DNAH12: variants seen among roughly 807,000 people sequenced by gnomAD.
DNAH12 encodes the protein dynein axonemal heavy chain 12, also known as axonemal beta dynein heavy chain 12.
A neutral mutation model predicts 371.5 loss-of-function variants in DNAH12; 285 were observed. The observed-to-expected ratio is 0.77, with a 90% confidence interval of 0.70 to 0.85. The LOEUF is 0.85. DNAH12 is among the 40% of genes least tolerant of loss of function. The pLI is 0.00. For missense variants in DNAH12, 3,611 were observed against 3,689.4 expected (o/e 0.98, Z 0.55); for synonymous variants, 1,200 against 1,213.0 (o/e 0.99, Z 0.22).
At chr3:57,547,102 T>G (rs1296463499), upstream of DNAH12, among the ~76,000 whole-genome samples, 5 of 152,156 alleles carry the variant, frequency 3.3e-5, no homozygotes, top group Non-Finnish European at 7.3e-5. Flanking sequence ...TCCTGACAGA[T>G]AGTCTGCCCT....
chr3:57,415,981 T>C (rs562979294), intron 37 of DNAH12, among the ~76,000 whole-genome samples: 1 of 151,792 alleles, frequency 6.6e-6, no homozygotes, highest in East Asian at 1.9e-4. Context: ...TAGAGACGGG[T>C]TTCACCGTGT....
Position 57,470,443 on chromosome 3 carries a change from C to T in DNAH12, c.2105G>A (p.Arg702Gln), listed in dbSNP as rs2066333485. The T allele has an allele frequency of 1.3e-5, 19 of 1,506,734 alleles. No homozygotes were observed. Among genetic ancestry groups the T allele is most frequent in the Admixed American group, 2.5e-5 (1 of 40,662 alleles). The allele number at this position is 1,506,734 out of a possible 1,614,324, so 93.3% of individuals were successfully genotyped here. A position where few individuals can be genotyped will look rare whatever the true frequency, so the allele number is the denominator to read the frequency against. The change falls in exon 16 of 74, where the codon CGG becomes CAG. Residue 702 changes from arginine (R) to glutamine (Q), a missense_variant and splice_region_variant. By Grantham distance (43) the Arg-to-Gln change is conservative (BLOSUM62 1). Coordinates refer to ENST00000495027, the MANE Select transcript of DNAH12 (RefSeq NM_001366028.2). ...FVLKWQRSEK[R>Q]WMDGGFLDLN... The stretch of plus-strand genomic sequence containing the variant: ...TTTTTATTACATTACCAGCAATTAC[C>T]GTTTTTCTGATCGCTGCCACTTCAA...
intron 5 of DNAH12, among the ~76,000 whole-genome samples, 161 bp downstream of exon 5, chr3:57,510,629 A>G (rs1351670321): frequency 6.6e-6 from 1 of 152,160 alleles, no homozygotes; most frequent in Non-Finnish European, 1.5e-5. Flanking sequence ...GACAGAGATC[A>G]TGTCTCGAAG....
At chr3:57,337,414 C>T (rs1033421103) in intron 60 of DNAH12, among the ~76,000 whole-genome samples, 5 of 152,208 alleles carry the variant, frequency 3.3e-5, no homozygotes, top group African/African-American at 1.2e-4. Flanking sequence ...AATCCCAGCA[C>T]TTTGGGAGGC....
chr3:57,453,583 ATCT>A (rs1458962956), intron 23 of DNAH12, among the ~76,000 whole-genome samples, 180 bp from the exon 24 acceptor site: 1 of 151,302 alleles, frequency 6.6e-6, no homozygotes, highest in African/African-American at 2.4e-5. Context: ...AGATGGGAGG[ATCT>A]TCTTTTTTTT....
Position 57,520,338 on chromosome 3 carries a change from G to A in DNAH12, c.279+3245C>T, listed in dbSNP as rs182790227. The stretch of plus-strand genomic sequence containing the variant: ...TGGCCAGGCTAGTCTCGAACCGCCC[G>A]CCTCGGCCTCCCAAAGTGCTTGGAT... On this transcript the variant is annotated intron_variant, in intron 4 of 73. Coordinates refer to ENST00000495027, the MANE Select transcript of DNAH12 (RefSeq NM_001366028.2). 4.8e-3 allele frequency among the ~76,000 whole-genome samples: 723 copies of A among 151,784 alleles called. 20 individuals carry two copies. The highest frequency in any genetic ancestry group is 0.042 in the Admixed American group (647 of 15,232).
intron 12 of DNAH12, among the ~76,000 whole-genome samples, chr3:57,485,483 AC>A (rs2066893926): frequency 6.6e-6 from 1 of 151,630 alleles, no homozygotes; most frequent in South Asian, 2.1e-4. Context: ...ATACACCACA[AC>A]CTTCACCTCC....
intron 59 of DNAH12, 55 bp downstream of exon 59, chr3:57,357,121 A>G (rs1307970143): frequency 2.6e-5 from 4 of 152,160 alleles, no homozygotes; most frequent in Admixed American, 6.5e-5. Context: ...TTTTAAATGG[A>G]AAGGGCTGTG....
intron 4 of DNAH12, among the ~76,000 whole-genome samples, chr3:57,513,118 C>T (rs2068057100): frequency 1.4e-5 from 2 of 147,474 alleles, no homozygotes; most frequent in Admixed American, 1.4e-4. Flanking sequence ...AGCCTGGCAA[C>T]AGAGTGAGAC....
chr3:57,504,509 C>T (rs1249948379), intron 8 of DNAH12, among the ~76,000 whole-genome samples: 1 of 152,172 alleles, frequency 6.6e-6, no homozygotes, highest in African/African-American at 2.4e-5. Context: ...CTCCTGGGCT[C>T]AGGCAATCCT....
chr3:57,520,084 C>A (rs974779925), intron 4 of DNAH12: 3 of 575,932 alleles, frequency 5.2e-6, no homozygotes, highest in African/African-American at 1.9e-5. Flanking sequence ...GTGGCTACAG[C>A]GTTACCTTAT....
At chr3:57,436,362 T>A (rs1198739611) in intron 30 of DNAH12, among the ~76,000 whole-genome samples, 1 of 152,182 alleles carries the variant, frequency 6.6e-6, no homozygotes, top group African/African-American at 2.4e-5. Context: ...GTTTAAACTC[T>A]ATTAGTTTCA....
chr3:57,300,080 C>G (rs2061314937), intron 70 of DNAH12, among the ~76,000 whole-genome samples: 1 of 152,180 alleles, frequency 6.6e-6, no homozygotes, highest in Non-Finnish European at 1.5e-5. Flanking sequence ...TCTAGTACCA[C>G]CCTACAAAAC....
At chr3:57,538,316 T>TGAG (rs2069137031) in intron 2 of DNAH12, among the ~76,000 whole-genome samples, 1 of 65,000 alleles carries the variant, frequency 1.5e-5, no homozygotes, top group Non-Finnish European at 4.0e-5. Context: ...CTAATCTCAG[T>TGAG]ATTAATACAG....
At chr3:57,498,359 C>G (rs1449260842) in intron 11 of DNAH12, 1 of 608,712 alleles carries the variant, frequency 1.6e-6, no homozygotes, top group African/African-American at 1.9e-5. Context: ...CTCTGTCACT[C>G]AAGTTGGAGT....
At chr3:57,363,305 T>G (rs1008048751) in intron 58 of DNAH12, among the ~76,000 whole-genome samples, 1 of 152,174 alleles carries the variant, frequency 6.6e-6, no homozygotes, top group Non-Finnish European at 1.5e-5. Context: ...TATCTGATAC[T>G]TGTAATAATA....
At chr3:57,500,127 G>A (rs1469554784) in intron 11 of DNAH12, among the ~76,000 whole-genome samples, 1 of 144,630 alleles carries the variant, frequency 6.9e-6, no homozygotes, top group African/African-American at 2.6e-5. Context: ...TGCAACCTTC[G>A]CCTCCCAGGT....
chr3:57,301,668 CATGT>C (rs1001470958), intron 70 of DNAH12, 63 bp downstream of exon 70: 16 of 1,475,380 alleles, frequency 1.1e-5, no homozygotes, highest in Non-Finnish European at 1.4e-5. Flanking sequence ...CATATTTATA[CATGT>C]ATTTTACACA....
intron 10 of DNAH12, among the ~76,000 whole-genome samples, chr3:57,501,844 T>G (rs1297945909): frequency 2.6e-5 from 4 of 152,190 alleles, no homozygotes; most frequent in Non-Finnish European, 5.9e-5. Context: ...TGCCTTTGAC[T>G]TTATCACCCT....
Sources: allele counts gnomAD v4.1 joint callset (sites outside exome capture counted in the v4.1 genomes callset), GRCh38; gene constraint gnomAD v4.1.1; transcripts MANE v1.5; gene names NCBI Gene and HGNC (gene_info 2026-07-23, HGNC 2026-07-21).